TMEM74: variants seen among roughly 807,000 people sequenced by gnomAD.
TMEM74 encodes the protein transmembrane protein 74.
TMEM74 carries 13 observed loss-of-function variants against 18.1 expected under a neutral mutation model. The ratio of observed to expected loss-of-function variants is 0.72; its 90% CI spans 0.47 to 1.14. The LOEUF is 1.14. Ranked by LOEUF, TMEM74 falls within the 50% of genes most tolerant of loss-of-function variation. The pLI is 0.00. For synonymous variants in TMEM74, 159 were observed against 146.6 expected, an observed-to-expected ratio of 1.08 and a Z score of -0.61; for missense variants, 372 against 375.9, an observed-to-expected ratio of 0.99 and a Z score of 0.09.
chr8:108,784,320 T>C lies in TMEM74; in HGVS notation c.779A>G (p.Tyr260Cys), dbSNP rs537298384. Reference sequence around the variant, plus strand: ...GGAAGAGGCAAATCTGTTTCGACGATAGAGCTCCCCCTTCCACATGGACAT... The same window carrying C: ...GGAAGAGGCAAATCTGTTTCGACGACAGAGCTCCCCCTTCCACATGGACAT... ...LMMSMWKGEL[Y>C]RRNRFASSKE... Residue 260 changes from tyrosine (Y) to cysteine (C), a missense_variant, in exon 2 of 2, where the codon TAT becomes TGT. Transcript: ENST00000297459. 6 of 1,614,104 alleles carry C rather than the reference T, an allele frequency of 3.7e-6. No individual in the cohort carries two copies. The highest frequency in any genetic ancestry group is 5.1e-6 in the Non-Finnish European group (6 of 1,180,028).
chr8:108,709,542 A>C lies in TMEM74; in HGVS notation n.120-54105T>G, dbSNP rs1813454269. Among the ~76,000 whole-genome samples the C allele has an allele frequency of 3.9e-5, 6 of 152,258 alleles. 1 individual carries two copies. In the South Asian group the frequency reaches 1.2e-3, roughly 32 times the overall value. On this transcript the variant is annotated intron_variant and non_coding_transcript_variant, in intron 1 of 3. Coordinates refer to the TMEM74 transcript ENST00000518838. ...GGGCAGGGGAGTAAGAGAAATGGGG[A>C]ATTGTTGTTCAGTGGCATAAAGTTT...
intron 1 of TMEM74, among the ~76,000 whole-genome samples, chr8:108,677,975 T>C (rs904795376): frequency 5.3e-5 from 8 of 152,182 alleles, no homozygotes; most frequent in Non-Finnish European, 8.8e-5. Context: ...CAATTTACCA[T>C]AGACTTGAGA....
intron 1 of TMEM74, among the ~76,000 whole-genome samples, chr8:108,660,715 C>T (rs1204724816): frequency 6.6e-6 from 1 of 152,098 alleles, no homozygotes; most frequent in Non-Finnish European, 1.5e-5. Flanking sequence ...TAAACCTGCC[C>T]CTTTTTCATC....
At position 108,737,105 on chromosome 8, in the gene TMEM74, T is replaced by A. The variant is rs1166831285; in HGVS notation, n.119+50371A>T. ...TAAAGTGTTACTTTAGAAGGCAGGA[T>A]CATGTAGGTGAAAATATACTGACCT... On this transcript the variant is annotated intron_variant and non_coding_transcript_variant, in intron 1 of 3. Transcript: ENST00000518838. 2.6e-5 allele frequency among the ~76,000 whole-genome samples: 4 copies of A among 152,164 alleles called. No homozygotes were observed. The South Asian group carries it at 8.3e-4, about 32-fold the overall frequency.
intron 1 of TMEM74, among the ~76,000 whole-genome samples, chr8:108,664,102 C>T (rs1452870412): frequency 2.0e-5 from 3 of 152,004 alleles, no homozygotes; most frequent in Non-Finnish European, 4.4e-5. Flanking sequence ...GCACATGTAC[C>T]CTAGAACTTA....
chr8:108,657,863 T>A (rs1421256932), intron 1 of TMEM74, among the ~76,000 whole-genome samples: 1,518 of 44,368 alleles, frequency 0.034, 317 homozygotes, highest in African/African-American at 0.04. Flanking sequence ...AAAAAAAATA[T>A]ATATATATAT....
intron 1 of TMEM74, among the ~76,000 whole-genome samples, chr8:108,675,361 C>T (rs1813046781): frequency 6.6e-6 from 1 of 152,192 alleles, no homozygotes; most frequent in Admixed American, 6.6e-5. Flanking sequence ...ATTCTGGTAG[C>T]TTTGGAGGGG....
rs1043324494 is a variant in TMEM74 at position 108,693,151 on chromosome 8, A to G, written n.120-37714T>C. 5.2e-4 allele frequency among the ~76,000 whole-genome samples: 79 copies of G among 152,350 alleles called. 1 individual carries two copies. The highest frequency in any genetic ancestry group is 1.9e-3 in the African/African-American group (78 of 41,588). On this transcript the variant is annotated intron_variant and non_coding_transcript_variant, in intron 1 of 3. Transcript: ENST00000518838. ...GAGATGAAGATAAGTTGTATTTGTCATAAGAGCTACACATAAGCCGGTATG... is the reference window on the plus strand; with the variant it reads ...GAGATGAAGATAAGTTGTATTTGTCGTAAGAGCTACACATAAGCCGGTATG...
rs145885281 is a variant in TMEM74, at chr8:108,784,797, T to C, written c.302A>G (p.Asn101Ser). 77 of 1,614,098 alleles carry C rather than the reference T, an allele frequency of 4.8e-5. 1 individual carries two copies. The African/African-American group carries it at 9.1e-4, about 19-fold the overall frequency. ...NQITAERKVC[N>S]CCSQELETSF... is the part of the protein sequence containing the mutation. The stretch of plus-strand genomic sequence containing the variant: ...AGTTTCTAATTCCTGGCTGCAGCAG[T>C]TACAGACTTTCCGTTCCGCTGTTAT... Residue 101 changes from asparagine (N) to serine (S), a missense_variant, in exon 2 of 2, where the codon AAC becomes AGC. Transcript: ENST00000297459.
intron 1 of TMEM74, among the ~76,000 whole-genome samples, chr8:108,708,569 G>A (rs1055480292): frequency 5.9e-5 from 9 of 151,966 alleles, no homozygotes; most frequent in African/African-American, 2.2e-4. Context: ...TCTGACTGAT[G>A]AAAGATGGTA....
chr8:108,664,840 C>T (rs376758337), intron 1 of TMEM74, among the ~76,000 whole-genome samples: 11 of 152,082 alleles, frequency 7.2e-5, no homozygotes, highest in South Asian at 6.2e-4. Flanking sequence ...ATCATAGATC[C>T]GCTAATGTTT....
intron 1 of TMEM74, among the ~76,000 whole-genome samples, chr8:108,752,109 A>G (rs994409527): frequency 6.6e-6 from 1 of 152,116 alleles, no homozygotes; most frequent in Non-Finnish European, 1.5e-5. Context: ...CAGCTAGCCC[A>G]TCACTTCTAA....
intron 1 of TMEM74, among the ~76,000 whole-genome samples, chr8:108,681,985 G>C (rs1044125784): frequency 5.3e-5 from 8 of 152,020 alleles, no homozygotes; most frequent in African/African-American, 7.2e-5. Flanking sequence ...CTACATTTTT[G>C]TGTCCATCTT....
chr8:108,703,222 C>T (rs1813354555), intron 1 of TMEM74, among the ~76,000 whole-genome samples: 1 of 152,208 alleles, frequency 6.6e-6, no homozygotes, highest in Non-Finnish European at 1.5e-5. Context: ...GGGATCTGAA[C>T]AGATCCTCTT....
intron 1 of TMEM74, among the ~76,000 whole-genome samples, chr8:108,693,171 G>A (rs766892168): frequency 3.9e-5 from 6 of 152,232 alleles, no homozygotes; most frequent in East Asian, 1.9e-4. Context: ...CACATAAGCC[G>A]GTATGGCTGG....
chr8:108,630,020 A>G (rs1437065675), intron 2 of TMEM74, among the ~76,000 whole-genome samples: 3 of 152,118 alleles, frequency 2.0e-5, no homozygotes, highest in Admixed American at 1.3e-4. Flanking sequence ...AAATGCTCCA[A>G]TCAAAATACA....
intron 1 of TMEM74, among the ~76,000 whole-genome samples, chr8:108,674,892 A>G (rs1334695747): frequency 1.3e-5 from 2 of 152,262 alleles, no homozygotes; most frequent in East Asian, 1.9e-4. Context: ...TGCCTGACCC[A>G]TGTCACTCAA....
At chr8:108,765,407 CTT>C (rs61334796) in intron 1 of TMEM74, among the ~76,000 whole-genome samples, 37 of 120,634 alleles carry the variant, frequency 3.1e-4, no homozygotes, top group Admixed American at 3.5e-4. Context: ...TTTGGAACTA[CTT>C]TTTTTTTTTT....
intron 2 of TMEM74, among the ~76,000 whole-genome samples, chr8:108,614,432 C>A (rs1247222433): frequency 6.6e-6 from 1 of 151,636 alleles, no homozygotes; most frequent in Non-Finnish European, 1.5e-5. Context: ...TGGTGAGAGG[C>A]TAAAAGGGAA....
Sources: allele counts gnomAD v4.1 joint callset (sites outside exome capture counted in the v4.1 genomes callset), GRCh38; gene constraint gnomAD v4.1.1; transcripts MANE v1.5; gene names NCBI Gene and HGNC (gene_info 2026-07-23, HGNC 2026-07-21).